Variants in RAD51 observed in about 807,000 individuals in gnomAD.
The protein encoded by RAD51 is RAD51 recombinase, also known as DNA repair protein RAD51 homolog 1.
Under a neutral mutation model 41.5 loss-of-function variants are expected in RAD51, and 14 were observed. The observed-to-expected ratio is 0.34, with a 90% CI of 0.22 to 0.53. The LOEUF (loss-of-function observed/expected upper bound fraction) is 0.53, where lower values mean the gene tolerates loss of function less well. Ranked by LOEUF, RAD51 falls within the 20% of genes least tolerant of loss-of-function variation. RAD51 has a pLI of 0.95. For synonymous variants in RAD51, 136 were observed against 148.6 expected (o/e 0.92, Z 0.62); for missense variants, 234 against 422.0 (o/e 0.55, Z 3.90).
intron 5 of RAD51, among the ~76,000 whole-genome samples, chr15:40,710,628 TAGAC>T (rs1187791688): frequency 9.9e-5 from 15 of 152,174 alleles, no homozygotes; most frequent in Admixed American, 9.2e-4. Flanking sequence ...CCCACTGAGT[TAGAC>T]AGGCATCTCA....
chr15:40,708,961 T>C, intron 4 of RAD51, 64 bp from the exon 5 acceptor site: 1 of 1,369,346 alleles, frequency 7.3e-7, no homozygotes. Flanking sequence ...CCAAGAACAT[T>C]TCTATGACTA....
intron 5 of RAD51, among the ~76,000 whole-genome samples, chr15:40,710,705 C>T (rs1353529590): frequency 6.6e-6 from 1 of 152,224 alleles, no homozygotes; most frequent in East Asian, 1.9e-4. Context: ...CATTCTTAGC[C>T]AAAAACCTAA....
chr15:40,729,695 T>A (rs1207559344), intron 8 of RAD51, 61 bp downstream of exon 8: 11 of 1,612,076 alleles, frequency 6.8e-6, no homozygotes, highest in Non-Finnish European at 7.6e-6. Flanking sequence ...TCCAGGAGCC[T>A]TGCTAGGAGG....
chr15:40,718,084 TGTG>T (rs1229552393), intron 5 of RAD51, among the ~76,000 whole-genome samples: 2 of 151,306 alleles, frequency 1.3e-5, no homozygotes, highest in Non-Finnish European at 2.9e-5. Context: ...TTTAATCGGG[TGTG>T]GTGGTGCACA....
At chr15:40,730,021 A>G in intron 9 of RAD51, 47 bp downstream of exon 9, 1 of 1,602,566 alleles carries the variant, frequency 6.2e-7, no homozygotes. Context: ...TGTCATATTA[A>G]CTGTGAAGAC....
At chr15:40,720,936 CTT>C (rs1896239284) in intron 6 of RAD51, among the ~76,000 whole-genome samples, 1 of 152,346 alleles carries the variant, frequency 6.6e-6, no homozygotes, top group Non-Finnish European at 1.5e-5. Flanking sequence ...AATCCCAACA[CTT>C]TGGGAGGCCA....
At chr15:40,727,725 A>T (rs551277763) in intron 6 of RAD51, among the ~76,000 whole-genome samples, 1 of 151,922 alleles carries the variant, frequency 6.6e-6, no homozygotes, top group African/African-American at 2.4e-5. Flanking sequence ...GAGAAAACTT[A>T]TATCTCTTCA....
intron 8 of RAD51, 26 bp from the exon 9 acceptor site, chr15:40,729,827 A>G (rs1269702320): frequency 6.8e-6 from 11 of 1,614,074 alleles, no homozygotes; most frequent in African/African-American, 1.3e-5. Context: ...TGGCCACAAA[A>G]TTGACATTTA....
chr15:40,727,011 T>C lies in RAD51; in HGVS notation c.531-1700T>C, dbSNP rs183195018. ...TGGAGCCTAAGCACAGAGGTTCCCATAGTTTTTTTTGTGAGTGCCGCTGAG... is the reference window on the plus strand; with the variant it reads ...TGGAGCCTAAGCACAGAGGTTCCCACAGTTTTTTTTGTGAGTGCCGCTGAG... On this transcript the variant is annotated intron_variant, in intron 6 of 9. Transcript: ENST00000267868. Among the ~76,000 whole-genome samples the C allele has an allele frequency of 8.8e-3, 1,346 of 152,128 alleles. 11 individuals are homozygous for C. The highest frequency in any genetic ancestry group is 0.015 in the Non-Finnish European group (1,044 of 68,000).
chr15:40,696,603 T>C (rs890444221), intron 1 of RAD51, among the ~76,000 whole-genome samples: 1 of 152,338 alleles, frequency 6.6e-6, no homozygotes, highest in East Asian at 1.9e-4. Context: ...AATAGAATGG[T>C]CCTCAGAAGC....
rs994458119 is a variant in RAD51, at chr15:40,720,275, G to C, written c.530+1376G>C. 2.0e-5 allele frequency among the ~76,000 whole-genome samples: 3 copies of C among 151,876 alleles called. 1 individual carries two copies. The highest frequency in any genetic ancestry group is 7.3e-5 in the African/African-American group (3 of 41,324). On this transcript the variant is annotated intron_variant, in intron 6 of 9. Transcript: ENST00000267868. Reference sequence around the variant, plus strand: ...ATTTTTGTATTTTTAGAAGAGACAGGGTTTCTCCATGTTGGCCAGGCTGGT... The same window carrying C: ...ATTTTTGTATTTTTAGAAGAGACAGCGTTTCTCCATGTTGGCCAGGCTGGT...
Position 40,713,255 on chromosome 15 carries a change from T to TA in RAD51, c.435+4139_435+4140insA, listed in dbSNP as rs1462177865. On this transcript the variant is annotated intron_variant, in intron 5 of 9. Transcript: ENST00000267868. ...ATTTTTCTTATTTTCCTTTTTTTTT[T>TA]TTTTTTTATTTGAGACGGAGTCTCT... 3.3e-4 allele frequency among the ~76,000 whole-genome samples: 49 copies of TA among 149,858 alleles called. No individual in the cohort carries two copies. In the South Asian group the frequency reaches 0.01, roughly 31 times the overall value.
intron 3 of RAD51, 52 bp from the exon 4 acceptor site, chr15:40,706,125 A>G: frequency 7.3e-7 from 1 of 1,374,904 alleles, no homozygotes; most frequent in South Asian, 1.2e-5. Context: ...CATCAAGATC[A>G]CTGTGGTAAG....
At chr15:40,705,547 A>C (rs1895276002) in intron 3 of RAD51, among the ~76,000 whole-genome samples, 1 of 152,162 alleles carries the variant, frequency 6.6e-6, no homozygotes, top group African/African-American at 2.4e-5. Context: ...CTGTATTGTC[A>C]TTTTTGTCAT....
intron 5 of RAD51, among the ~76,000 whole-genome samples, chr15:40,710,109 G>T (rs1895597085): frequency 6.6e-6 from 1 of 151,800 alleles, no homozygotes; most frequent in Admixed American, 6.6e-5. Context: ...GGGCGTGGTG[G>T]CGGGTGCCTG....
At chr15:40,724,612 CCCT>C (rs1220441159) in intron 6 of RAD51, among the ~76,000 whole-genome samples, 2 of 151,788 alleles carry the variant, frequency 1.3e-5, no homozygotes, top group Non-Finnish European at 2.9e-5. Flanking sequence ...AAGCAGTCCC[CCCT>C]CCTCAGTGTA....
rs1234927348 is a variant in RAD51, at chr15:40,702,574, G to T, written c.225+1373G>T. On this transcript the variant is annotated intron_variant, in intron 3 of 9. Transcript: ENST00000267868. ...GTCACCCAGGCTGGAGCACAATGGT[G>T]CAATTTTGGCTCTGCTCACTGCAAC... Among the ~76,000 whole-genome samples the T allele has an allele frequency of 2.0e-5, 3 of 151,832 alleles. No individual in the cohort carries two copies. In the East Asian group the frequency reaches 5.8e-4, roughly 29 times the overall value.
In RAD51 at chr15:40,701,083, A is replaced by G. The variant is rs1894957326; in HGVS notation, c.107A>G (p.Asn36Ser). The G allele has an allele frequency of 1.2e-6, 2 of 1,614,254 alleles. No individual in the cohort carries two copies. The highest frequency in any genetic ancestry group is 1.3e-5 in the African/African-American group (1 of 75,066). Residue 36 changes from asparagine to serine, a missense_variant, in exon 3 of 10, where the codon AAC becomes AGC. Physicochemically the swap from Asn to Ser is conservative, Grantham distance 46. Coordinates refer to ENST00000267868, the MANE Select transcript of RAD51 (RefSeq NM_002875.5). ...SRLEQCGINA[N>S]DVKKLEEAGF... ...TTGCAGCAGTGTGGCATAAATGCCA[A>G]CGATGTGAAGAAATTGGAAGAAGCT...
intron 6 of RAD51, among the ~76,000 whole-genome samples, chr15:40,723,138 T>C (rs1408322221): frequency 6.6e-6 from 1 of 152,066 alleles, no homozygotes; most frequent in South Asian, 2.1e-4. Flanking sequence ...AAAATGCAAA[T>C]TGAAACCATG....
Sources: allele counts gnomAD v4.1 joint callset (sites outside exome capture counted in the v4.1 genomes callset), GRCh38; gene constraint gnomAD v4.1.1; transcripts MANE v1.5; gene names NCBI Gene and HGNC (gene_info 2026-07-23, HGNC 2026-07-21).